SNTB2: variants seen among roughly 807,000 people sequenced by gnomAD.
The protein encoded by SNTB2 is syntrophin beta 2.
Under a neutral mutation model 46.2 loss-of-function variants are expected in SNTB2, and 34 were observed. That is an observed-to-expected ratio of 0.74 (90% confidence interval 0.56 to 0.98). The LOEUF (loss-of-function observed/expected upper bound fraction) is 0.98. Among genes scored for constraint, SNTB2 ranks in the 50% least tolerant of loss-of-function variants. SNTB2 has a pLI of 0.00. For missense variants in SNTB2, 603 were observed against 731.4 expected (o/e 0.82, Z 2.02); for synonymous variants, 290 against 312.6 (o/e 0.93, Z 0.76).
chr16:69,292,387 ATATTATATATATATATATATT>A (rs1965173569), intron 5 of SNTB2, among the ~76,000 whole-genome samples: 1 of 13,784 alleles, frequency 7.3e-5, no homozygotes, highest in African/African-American at 3.7e-4. Flanking sequence ...TATTATATAT[ATATTATATATATATATATATT>A]ATATATATAT....
At chr16:69,257,504 T>TG (rs1964790283) in intron 2 of SNTB2, among the ~76,000 whole-genome samples, 1 of 151,924 alleles carries the variant, frequency 6.6e-6, no homozygotes, top group Non-Finnish European at 1.5e-5. Flanking sequence ...TGGAGTGCAG[T>TG]GGCATGATCT....
At chr16:69,297,302 ATC>A (rs1965235571) in intron 5 of SNTB2, among the ~76,000 whole-genome samples, 1 of 75,080 alleles carries the variant, frequency 1.3e-5, no homozygotes, top group African/African-American at 5.9e-5. Flanking sequence ...GCAAGATTCT[ATC>A]TCAAAAAAAA....
rs1234822108 is a variant in SNTB2, at chr16:69,284,040, G to C, written c.1149-8G>C. 6.3e-7 allele frequency: 1 copy of C among 1,595,128 alleles called. No homozygotes were observed. The highest frequency in any genetic ancestry group is 1.3e-5 in the African/African-American group (1 of 74,482). On this transcript the variant is annotated splice_polypyrimidine_tract_variant and splice_region_variant and intron_variant, in intron 4 of 6. Transcript: ENST00000336278. ...TACTTTTGATCTCTGCTCTGTTTGT[G>C]GTCCTAGGTTGGTTCATTCTGGCTC...
In SNTB2 at chr16:69,304,318, C is replaced by T. The variant is rs1965299660; in HGVS notation, c.*3394C>T. ...TCACCTCCCTAGTAGATAAGAGTTT[C>T]AGGTTAAATACTGGAACATATATAG... On this transcript the variant is annotated 3_prime_UTR_variant, in exon 7 of 7. Transcript: ENST00000336278. The T allele has an allele frequency of 6.6e-6, 1 of 152,522 alleles. No homozygotes were observed. Among genetic ancestry groups the T allele is most frequent in the South Asian group, 2.1e-4 (1 of 4,836 alleles). 9.4% of individuals were successfully genotyped at this position (152,522 alleles called of 1,614,324 possible). A position where few individuals can be genotyped will look rare whatever the true frequency, so the allele number is the denominator to read the frequency against.
chr16:69,222,321 G>C (rs768347838), intron 1 of SNTB2, among the ~76,000 whole-genome samples: 1 of 152,092 alleles, frequency 6.6e-6, no homozygotes, highest in African/African-American at 2.4e-5. Flanking sequence ...AGCCTGGTGC[G>C]GTGACTCATG....
chr16:69,241,019 C>T (rs535521752), intron 1 of SNTB2: 6 of 152,218 alleles, frequency 3.9e-5, no homozygotes, highest in Admixed American at 2.6e-4. Context: ...CGCCACCACA[C>T]CTGGCTAATT....
intron 1 of SNTB2, among the ~76,000 whole-genome samples, chr16:69,198,791 C>A (rs1964131739): frequency 6.6e-6 from 1 of 152,010 alleles, no homozygotes; most frequent in African/African-American, 2.4e-5. Context: ...AAGATCCCTT[C>A]CAGCTCATAT....
At chr16:69,285,397 C>G (rs1965093022) in intron 5 of SNTB2, among the ~76,000 whole-genome samples, 1 of 148,768 alleles carries the variant, frequency 6.7e-6, no homozygotes, top group African/African-American at 2.5e-5. Context: ...CTCTATCACC[C>G]AGGCTGGAGT....
intron 4 of SNTB2, among the ~76,000 whole-genome samples, chr16:69,274,944 G>C (rs1964972593): frequency 6.6e-6 from 1 of 152,074 alleles, no homozygotes; most frequent in South Asian, 2.1e-4. Flanking sequence ...GGGTCTTATA[G>C]AGCTTCCTAG....
intron 1 of SNTB2, among the ~76,000 whole-genome samples, chr16:69,242,662 A>G (rs2152296544): frequency 6.6e-6 from 1 of 152,276 alleles, no homozygotes; most frequent in Middle Eastern, 3.4e-3. Flanking sequence ...TTGTCACTCT[A>G]AAGAAGAGAA....
intron 5 of SNTB2, among the ~76,000 whole-genome samples, chr16:69,286,634 A>G (rs761159890): frequency 6.6e-6 from 1 of 151,336 alleles, no homozygotes; most frequent in Non-Finnish European, 1.5e-5. Context: ...GCAGTGAGCT[A>G]TGGTAGTGCC....
At chr16:69,280,659 G>A (rs1309865879) in intron 4 of SNTB2, among the ~76,000 whole-genome samples, 1 of 152,212 alleles carries the variant, frequency 6.6e-6, no homozygotes, top group Admixed American at 6.5e-5. Context: ...CCCAGTAGGG[G>A]CGGCCGGCTT....
At chr16:69,282,919 T>A (rs995700077) in intron 4 of SNTB2, among the ~76,000 whole-genome samples, 3 of 152,186 alleles carry the variant, frequency 2.0e-5, no homozygotes, top group African/African-American at 7.2e-5. Context: ...ATTAATCTTA[T>A]ATCCTGCAAC....
At chr16:69,197,087 G>A (rs1964113049) in intron 1 of SNTB2, among the ~76,000 whole-genome samples, 1 of 151,588 alleles carries the variant, frequency 6.6e-6, no homozygotes, top group South Asian at 2.1e-4. Context: ...ACTACACTCT[G>A]TTAGACACTC....
At chr16:69,220,382 C>T (rs557940424) in intron 1 of SNTB2, among the ~76,000 whole-genome samples, 4 of 150,480 alleles carry the variant, frequency 2.7e-5, no homozygotes, top group East Asian at 4.0e-4. Context: ...AGGATGGTCT[C>T]GATCTCCTGA....
chr16:69,200,505 G>A (rs1037709051), intron 1 of SNTB2, among the ~76,000 whole-genome samples: 3 of 152,154 alleles, frequency 2.0e-5, no homozygotes, highest in Non-Finnish European at 2.9e-5. Flanking sequence ...CAACACATTC[G>A]TGATACATCA....
intron 3 of SNTB2, among the ~76,000 whole-genome samples, chr16:69,264,829 A>T (rs1192442822): frequency 6.6e-6 from 1 of 152,224 alleles, no homozygotes; most frequent in Non-Finnish European, 1.5e-5. Context: ...ACTGAGAAAG[A>T]AGAAAAGAAG....
chr16:69,295,265 A>G (rs1965212756), intron 5 of SNTB2, among the ~76,000 whole-genome samples: 1 of 96,062 alleles, frequency 1.0e-5, no homozygotes. Context: ...TTTTTTTGAG[A>G]CAAAGTATTG....
At chr16:69,290,072 C>T (rs187673560) in intron 5 of SNTB2, among the ~76,000 whole-genome samples, 44 of 152,226 alleles carry the variant, frequency 2.9e-4, no homozygotes, top group African/African-American at 1.0e-3. Flanking sequence ...CAAAATGTGA[C>T]GAGTAAATTC....
Sources: allele counts gnomAD v4.1 joint callset (sites outside exome capture counted in the v4.1 genomes callset), GRCh38; gene constraint gnomAD v4.1.1; transcripts MANE v1.5; gene names NCBI Gene and HGNC (gene_info 2026-07-23, HGNC 2026-07-21).